HDAC4: variants seen among roughly 807,000 people sequenced by gnomAD.
HDAC4 encodes histone deacetylase 4.
A neutral mutation model predicts 135.1 loss-of-function variants in HDAC4; 16 were observed. That is an observed-to-expected ratio of 0.12 (90% CI 0.08 to 0.18). The LOEUF (loss-of-function observed/expected upper bound fraction) is 0.18. Ranked by LOEUF, HDAC4 falls within the 10% of genes least tolerant of loss-of-function variation. The pLI, the probability that HDAC4 is intolerant of heterozygous loss-of-function variation, is 1.00. For synonymous variants in HDAC4, 685 were observed against 653.4 expected (o/e 1.05, Z -0.74); for missense variants, 1,143 against 1,511.8 (o/e 0.76, Z 4.05).
At chr2:239,384,431 T>C (rs561171220) in intron 1 of HDAC4, among the ~76,000 whole-genome samples, 1 of 129,766 alleles carries the variant, frequency 7.7e-6, no homozygotes, top group South Asian at 2.4e-4. Context: ...CTGGACAACA[T>C]AGTGAGACCC....
chr2:239,205,093 G>A (rs12623679), intron 3 of HDAC4, among the ~76,000 whole-genome samples: 24,807 of 152,156 alleles, frequency 0.16, 2,534 homozygotes, highest in East Asian at 0.35. Flanking sequence ...CCCACCCCAC[G>A]TGGCTGGCAG....
chr2:239,150,149 C>T (rs34228200), intron 7 of HDAC4, among the ~76,000 whole-genome samples: 13,625 of 152,086 alleles, frequency 0.09, 643 homozygotes, highest in East Asian at 0.18. Flanking sequence ...GAGGAGAAAA[C>T]GCAAAATGGG....
chr2:239,187,608 C>G (rs981747733), intron 4 of HDAC4, among the ~76,000 whole-genome samples: 1 of 152,190 alleles, frequency 6.6e-6, no homozygotes, highest in African/African-American at 2.4e-5. Flanking sequence ...TGCCCATGGT[C>G]AGGGCCGTGA....
intron 25 of HDAC4, among the ~76,000 whole-genome samples, chr2:239,053,889 G>A (rs1365061037): frequency 6.6e-6 from 1 of 152,046 alleles, no homozygotes; most frequent in Admixed American, 6.5e-5. Flanking sequence ...GGCTTTCCAC[G>A]CTCACGGGCC....
At chr2:239,239,936 C>T (rs765172315) in intron 2 of HDAC4, among the ~76,000 whole-genome samples, 17 of 152,260 alleles carry the variant, frequency 1.1e-4, no homozygotes, top group Non-Finnish European at 1.6e-4. Context: ...ACGCTAACCC[C>T]ACATGTGGAG....
chr2:239,128,897 C>T (rs914183519), intron 11 of HDAC4, among the ~76,000 whole-genome samples: 6 of 152,266 alleles, frequency 3.9e-5, no homozygotes, highest in Non-Finnish European at 7.4e-5. Flanking sequence ...CTCGAGCCAG[C>T]GGTGTGAGTG....
At chr2:239,333,511 C>T (rs1467967637) in intron 2 of HDAC4, among the ~76,000 whole-genome samples, 1 of 151,896 alleles carries the variant, frequency 6.6e-6, no homozygotes, top group Non-Finnish European at 1.5e-5. Flanking sequence ...ATTAAACTGA[C>T]TATAAGCAAT....
intron 7 of HDAC4, among the ~76,000 whole-genome samples, chr2:239,149,225 A>C (rs1446923039): frequency 6.6e-6 from 1 of 152,034 alleles, no homozygotes; most frequent in Non-Finnish European, 1.5e-5. Flanking sequence ...AACATGGTGA[A>C]ACCCGTCTCT....
rs565013443 is a variant in HDAC4 at position 239,068,126 on chromosome 2, G to A, written c.2869+363C>T. Among the ~76,000 whole-genome samples, 3 of 152,208 alleles carry A rather than the reference G, an allele frequency of 2.0e-5. No individual in the cohort carries two copies. The highest frequency in any genetic ancestry group is 3.9e-4 in the East Asian group (2 of 5,154). ...CAGCAACTTCCCTTTACAGTTCCAAGGAGCACCGCCTGCCAGAGAAGCGGC... is the reference window on the plus strand; with the variant it reads ...CAGCAACTTCCCTTTACAGTTCCAAAGAGCACCGCCTGCCAGAGAAGCGGC... On this transcript the variant is annotated intron_variant, in intron 23 of 26. Transcript: ENST00000543185. The surrounding 1 kb of genome is among the most constrained non-coding windows in gnomAD (Gnocchi z 4.4).
At chr2:239,120,981 G>A (rs2039635748) in intron 12 of HDAC4, among the ~76,000 whole-genome samples, 2 of 149,414 alleles carry the variant, frequency 1.3e-5, no homozygotes, top group East Asian at 4.1e-4. Flanking sequence ...CTTTTCTTCT[G>A]ATGCTTTCCT....
rs561516846 is a variant in HDAC4, at chr2:239,054,830, C to T, written c.3007G>A (p.Asp1003Asn). ...TGTAAAACCTTTTCTGGGAGAGGAT[C>T]AAGCTGGAAGAAAATGCATAAGAAT... The part of the protein sequence containing the change: ...CVSALLGNEL[D>N]PLPEKVLQQR... Residue 1003 changes from aspartate to asparagine, a missense_variant, in exon 25 of 27, where the codon GAT (aspartate) becomes AAT (asparagine). Coordinates refer to ENST00000543185, the MANE Select transcript of HDAC4 (RefSeq NM_001378414.1). The T allele has an allele frequency of 4.5e-5, 72 of 1,606,552 alleles. 2 individuals carry two copies. In the South Asian group the frequency reaches 7.4e-4, roughly 16 times the overall value.
chr2:239,081,995 G>C (rs2035381168), intron 21 of HDAC4, 107 bp downstream of exon 21: 1 of 1,212,508 alleles, frequency 8.2e-7, no homozygotes, highest in South Asian at 1.3e-5. Flanking sequence ...GAGCACGAAG[G>C]CCGCACTCAC....
At chr2:239,163,057 C>T (rs1308662519) in intron 6 of HDAC4, among the ~76,000 whole-genome samples, 8 of 149,896 alleles carry the variant, frequency 5.3e-5, no homozygotes, top group South Asian at 2.1e-4. Flanking sequence ...CGCATCACCT[C>T]GCCACTCGCT....
chr2:239,178,057 T>C (rs1251634271), intron 4 of HDAC4, among the ~76,000 whole-genome samples: 2 of 152,230 alleles, frequency 1.3e-5, no homozygotes, highest in African/African-American at 4.8e-5. Context: ...CTCGTTCGCA[T>C]GCTCCAGGGT....
chr2:239,234,603 C>T (rs2047776735), intron 3 of HDAC4, among the ~76,000 whole-genome samples: 1 of 152,192 alleles, frequency 6.6e-6, no homozygotes, highest in Admixed American at 6.5e-5. Flanking sequence ...TTTATGAGAA[C>T]TCTGTAGAGA....
intron 9 of HDAC4, among the ~76,000 whole-genome samples, chr2:239,137,668 G>A (rs1227421652): frequency 1.3e-5 from 2 of 152,136 alleles, no homozygotes; most frequent in Non-Finnish European, 2.9e-5. Context: ...CCCTCTGACG[G>A]GCAAGCTCAC....
chr2:239,367,927 G>A (rs1345327405), intron 1 of HDAC4, among the ~76,000 whole-genome samples: 2 of 151,880 alleles, frequency 1.3e-5, no homozygotes, highest in African/African-American at 2.4e-5. Flanking sequence ...GCAGTGAGCC[G>A]AGACCACACC....
At chr2:239,360,102 AG>A (rs1693762043) in intron 1 of HDAC4, among the ~76,000 whole-genome samples, 1 of 152,194 alleles carries the variant, frequency 6.6e-6, no homozygotes, top group African/African-American at 2.4e-5. Context: ...ACCCAGAGGC[AG>A]GAATTAACGG....
chr2:239,203,918 T>C (rs2045901605), intron 3 of HDAC4, among the ~76,000 whole-genome samples: 1 of 152,222 alleles, frequency 6.6e-6, no homozygotes, highest in Non-Finnish European at 1.5e-5. Flanking sequence ...TGATTTGTTC[T>C]CCACTGAAGA....
Sources: allele counts gnomAD v4.1 joint callset (sites outside exome capture counted in the v4.1 genomes callset), GRCh38; gene constraint gnomAD v4.1.1; non-coding constraint Gnocchi (gnomAD v3.1); transcripts MANE v1.5; gene names NCBI Gene and HGNC (gene_info 2026-07-23, HGNC 2026-07-21).